The following ASIC2 variants were observed in gnomAD, a reference collection of about 807,000 sequenced individuals.
ASIC2 encodes acid sensing ion channel subunit 2, also known as acid-sensing ion channel 2.
Under a neutral mutation model 57.3 loss-of-function variants are expected in ASIC2, and 25 were observed. The observed-to-expected ratio is 0.44, with a 90% CI of 0.32 to 0.61. The LOEUF (loss-of-function observed/expected upper bound fraction) is 0.61. ASIC2 is among the 20% of genes least tolerant of loss of function. The probability of loss-of-function intolerance (pLI) is 0.06; values close to 1 mark genes in which losing one functional copy is unlikely to be tolerated. For synonymous variants in ASIC2, 319 were observed against 307.5 expected (o/e 1.04, Z -0.39); for missense variants, 641 against 738.1 (o/e 0.87, Z 1.52).
At chr17:34,073,935 G>A (rs1048363209) in intron 1 of ASIC2, among the ~76,000 whole-genome samples, 1 of 152,174 alleles carries the variant, frequency 6.6e-6, no homozygotes, top group African/African-American at 2.4e-5. Context: ...CTCCTTCTGC[G>A]TAAGGCTCTA....
chr17:33,157,128 C>T (rs910293281), intron 1 of ASIC2, among the ~76,000 whole-genome samples: 1 of 152,106 alleles, frequency 6.6e-6, no homozygotes, highest in Non-Finnish European at 1.5e-5. Context: ...AAAAAACCCC[C>T]AGCACTCCCC....
chr17:33,133,918 C>T (rs1487295682), intron 1 of ASIC2, among the ~76,000 whole-genome samples: 2 of 152,204 alleles, frequency 1.3e-5, no homozygotes, highest in Non-Finnish European at 2.9e-5. Context: ...AATCGTCAAC[C>T]CACAAAAGAC....
chr17:33,216,670 T>C (rs1907500207), intron 1 of ASIC2, among the ~76,000 whole-genome samples: 1 of 152,144 alleles, frequency 6.6e-6, no homozygotes, highest in South Asian at 2.1e-4. Flanking sequence ...AGAAATGAGT[T>C]GGGAATGGCT....
chr17:33,818,879 A>T (rs1365374399), intron 1 of ASIC2, among the ~76,000 whole-genome samples: 3 of 152,178 alleles, frequency 2.0e-5, no homozygotes, highest in Non-Finnish European at 4.4e-5. Flanking sequence ...GAATCACAAC[A>T]ATTAAAATTG....
chr17:33,872,523 G>A (rs1914444716), intron 1 of ASIC2, among the ~76,000 whole-genome samples: 1 of 152,162 alleles, frequency 6.6e-6, no homozygotes, highest in Non-Finnish European at 1.5e-5. Context: ...AACTGTTAGA[G>A]TCAGCAGATA....
intron 1 of ASIC2, among the ~76,000 whole-genome samples, chr17:33,505,876 T>C (rs1365899043): frequency 2.6e-5 from 4 of 152,216 alleles, no homozygotes; most frequent in Non-Finnish European, 1.5e-5. Flanking sequence ...GGTGAGCAGC[T>C]CTCATAACTC....
At chr17:33,558,426 T>A (rs916015801) in intron 1 of ASIC2, among the ~76,000 whole-genome samples, 3 of 152,236 alleles carry the variant, frequency 2.0e-5, no homozygotes, top group African/African-American at 7.2e-5. Flanking sequence ...CTTTTAGAGA[T>A]TTGGTTTTAT....
At chr17:33,721,686 G>C (rs1286343179) in intron 1 of ASIC2, among the ~76,000 whole-genome samples, 1 of 152,222 alleles carries the variant, frequency 6.6e-6, no homozygotes, top group African/African-American at 2.4e-5. Flanking sequence ...GGGCCCAGGA[G>C]AGGAAATCTA....
chr17:33,873,220 A>G (rs1010639394), intron 1 of ASIC2, among the ~76,000 whole-genome samples: 69 of 152,290 alleles, frequency 4.5e-4, no homozygotes, highest in African/African-American at 1.6e-3. Flanking sequence ...TTCTCCCAAG[A>G]CGACAAAGAT....
intron 1 of ASIC2, among the ~76,000 whole-genome samples, chr17:33,636,576 A>G (rs2142030771): frequency 6.6e-6 from 1 of 152,200 alleles, no homozygotes; most frequent in South Asian, 2.1e-4. Context: ...GGCTGCCCTG[A>G]TTTCTTTCTA....
intron 1 of ASIC2, chr17:34,039,470 C>T: frequency 6.2e-7 from 1 of 1,613,696 alleles, no homozygotes; most frequent in Admixed American, 1.7e-5. Flanking sequence ...TCCTTTGCAG[C>T]ACTGCCATCT....
In ASIC2 at chr17:34,033,739, T is replaced by C. The variant is rs552099956; in HGVS notation, c.555+122239A>G. ...CATCAGAGAATACTACAAACACCTC[T>C]ACACAAATAAACTAGAAAATCTAGA... On this transcript the variant is annotated intron_variant, in intron 1 of 9. Transcript: ENST00000359872. Among the ~76,000 whole-genome samples the C allele has an allele frequency of 5.3e-5, 8 of 152,284 alleles. No homozygotes were observed. In the East Asian group the frequency reaches 1.4e-3, roughly 26 times the overall value.
At chr17:33,932,713 C>CAAAAAAAA (rs869134623) in intron 1 of ASIC2, 4 of 44,076 alleles carry the variant, frequency 9.1e-5, no homozygotes, top group African/African-American at 3.2e-4. Context: ...AACTTTGTTT[C>CAAAAAAAA]AAAAAAAAAA....
intron 1 of ASIC2, among the ~76,000 whole-genome samples, chr17:33,775,581 A>G (rs1366838639): frequency 6.6e-6 from 1 of 152,170 alleles, no homozygotes; most frequent in East Asian, 1.9e-4. Flanking sequence ...GCAGGGTCCC[A>G]TAGTGTGCAT....
intron 3 of ASIC2, among the ~76,000 whole-genome samples, chr17:33,083,485 G>T (rs2092121697): frequency 6.6e-6 from 1 of 152,218 alleles, no homozygotes; most frequent in African/African-American, 2.4e-5. Context: ...AATATTTGCT[G>T]AGGGAATAAA....
chr17:33,365,351 A>G (rs1908767851), intron 1 of ASIC2, among the ~76,000 whole-genome samples: 1 of 151,506 alleles, frequency 6.6e-6, no homozygotes, highest in Non-Finnish European at 1.5e-5. Flanking sequence ...CTTTCATGAG[A>G]ATGCAAGCTC....
intron 1 of ASIC2, among the ~76,000 whole-genome samples, chr17:33,680,170 TGGGCC>T (rs1907956360): frequency 6.6e-6 from 1 of 152,104 alleles, no homozygotes; most frequent in Non-Finnish European, 1.5e-5. Context: ...CCCCTATTCT[TGGGCC>T]TTCTCCCCAT....
intron 1 of ASIC2, among the ~76,000 whole-genome samples, chr17:34,128,458 G>A (rs1201327108): frequency 6.6e-6 from 1 of 152,138 alleles, no homozygotes; most frequent in Non-Finnish European, 1.5e-5. Flanking sequence ...ACTTTCCCCT[G>A]CAAACCACAC....
intron 1 of ASIC2, chr17:33,828,525 A>G (rs1186068194): frequency 6.6e-6 from 1 of 152,188 alleles, no homozygotes; most frequent in Non-Finnish European, 1.5e-5. Flanking sequence ...TGAAACCTCC[A>G]AGAAGAATAT....
Sources: allele counts gnomAD v4.1 joint callset (sites outside exome capture counted in the v4.1 genomes callset), GRCh38; gene constraint gnomAD v4.1.1; transcripts MANE v1.5; gene names NCBI Gene and HGNC (gene_info 2026-07-23, HGNC 2026-07-21).